The following ITPR2 variants were observed in gnomAD, a reference collection of about 807,000 sequenced individuals.
The protein encoded by ITPR2 is inositol 1,4,5-trisphosphate-gated calcium channel ITPR2.
ITPR2 carries 207 observed loss-of-function variants against 317.1 expected under a neutral mutation model. The ratio of observed to expected loss-of-function variants is 0.65; its 90% CI spans 0.58 to 0.73. The LOEUF (loss-of-function observed/expected upper bound fraction) is 0.73. Ranked by LOEUF, ITPR2 falls within the 30% of genes least tolerant of loss-of-function variation. The pLI, the probability that ITPR2 is intolerant of heterozygous loss-of-function variation, is 0.00. For synonymous variants in ITPR2, 1,156 were observed against 1,149.1 expected (o/e 1.01, Z -0.12); for missense variants, 2,613 against 3,284.0 (o/e 0.80, Z 4.99).
At chr12:26,406,069 T>C (rs1003924432) in intron 52 of ITPR2, among the ~76,000 whole-genome samples, 2 of 152,064 alleles carry the variant, frequency 1.3e-5, no homozygotes, top group African/African-American at 4.8e-5. Context: ...ATATCCAAAA[T>C]GTCAGTACTG....
rs1006545715 is a variant in ITPR2, at chr12:26,582,622, AT to A, written c.4381-2468del. On this transcript the variant is annotated intron_variant, in intron 32 of 56. Coordinates refer to ENST00000381340, the MANE Select transcript of ITPR2 (RefSeq NM_002223.4). ...CTTCTTGCTCATCTTTTATGATGTG[AT>A]TTTTTTTTGCTATTATAAAGAATTG... Among the ~76,000 whole-genome samples the A allele has an allele frequency of 4.6e-5, 7 of 150,888 alleles. No homozygotes were observed. In the East Asian group the frequency reaches 5.8e-4, roughly 13 times the overall value.
At chr12:26,342,581 TTTTG>T (rs964899052) in intron 55 of ITPR2, among the ~76,000 whole-genome samples, 42 of 151,260 alleles carry the variant, frequency 2.8e-4, no homozygotes, top group East Asian at 1.4e-3. Context: ...TATCATTCTT[TTTTG>T]TTTGTTTGTT....
At chr12:26,389,539 C>T (rs1450186564) in intron 54 of ITPR2, among the ~76,000 whole-genome samples, 9 of 151,106 alleles carry the variant, frequency 6.0e-5, no homozygotes, top group East Asian at 5.8e-4. Context: ...ACCTTTGGAA[C>T]GGTTGTTTCC....
chr12:26,448,382 T>C (rs1219716851), intron 45 of ITPR2, among the ~76,000 whole-genome samples: 3 of 152,010 alleles, frequency 2.0e-5, no homozygotes, highest in Non-Finnish European at 4.4e-5. Context: ...GGGGGAAATC[T>C]CTGGGTCTTA....
chr12:26,340,399 A>T, intron 55 of ITPR2, 71 bp from the exon 56 acceptor site: 1 of 1,404,770 alleles, frequency 7.1e-7, no homozygotes, highest in Middle Eastern at 1.9e-4. Flanking sequence ...GCTGTTTATT[A>T]TTACTAACAT....
chr12:26,772,688 C>T (rs953081963), intron 2 of ITPR2, among the ~76,000 whole-genome samples: 2 of 150,532 alleles, frequency 1.3e-5, no homozygotes, highest in African/African-American at 2.4e-5. Context: ...ACCGTATGTG[C>T]ACATGGTGTA....
chr12:26,581,767 T>C (rs1257874830), intron 32 of ITPR2, among the ~76,000 whole-genome samples: 1 of 152,200 alleles, frequency 6.6e-6, no homozygotes, highest in Non-Finnish European at 1.5e-5. Flanking sequence ...TTTAGTATCT[T>C]CCTAACACTG....
At chr12:26,386,675 G>C (rs1259488007) in intron 55 of ITPR2, among the ~76,000 whole-genome samples, 2 of 151,456 alleles carry the variant, frequency 1.3e-5, no homozygotes, top group African/African-American at 4.8e-5. Flanking sequence ...TTTGGGGGGT[G>C]GGGGGAATAT....
At chr12:26,419,326 T>A in intron 49 of ITPR2, 113 bp from the exon 50 acceptor site, 1 of 861,488 alleles carries the variant, frequency 1.2e-6, no homozygotes, top group African/African-American at 1.7e-5. Context: ...CAATTATTCA[T>A]TAAAATCTAT....
chr12:26,779,336 T>A (rs1313350428), intron 2 of ITPR2, among the ~76,000 whole-genome samples: 2 of 152,202 alleles, frequency 1.3e-5, no homozygotes, highest in African/African-American at 4.8e-5. Flanking sequence ...GGTCATCAAG[T>A]CACCATGTGA....
At chr12:26,648,401 A>T (rs979879519) in intron 21 of ITPR2, among the ~76,000 whole-genome samples, 1 of 152,200 alleles carries the variant, frequency 6.6e-6, no homozygotes, top group Admixed American at 6.5e-5. Context: ...GATAAAAAAG[A>T]TGTAGTTCTA....
chr12:26,656,162 T>C (rs1947363879), intron 19 of ITPR2, 135 bp downstream of exon 19: 1 of 1,127,894 alleles, frequency 8.9e-7, no homozygotes, highest in Non-Finnish European at 1.3e-6. Context: ...AGTATCTTAT[T>C]TGCATTTAGA....
In ITPR2 at chr12:26,400,199, C is replaced by T; in HGVS notation, c.7459G>A (p.Val2487Ile). ...CTGAGGCCCTGGTTCAGCACGGTGA[C>T]AATGCACATAAGGAGAGTGTCACAC... The part of the protein sequence containing the change: ...RTCDTLLMCI[V>I]TVLNQGLRNG... Residue 2487 changes from valine (V) to isoleucine (I), a missense_variant, in exon 53 of 57, where the codon GTC becomes ATC. Coordinates refer to ENST00000381340, the MANE Select transcript of ITPR2 (RefSeq NM_002223.4). 1 of 1,611,366 alleles carries T rather than the reference C, an allele frequency of 6.2e-7. No homozygotes were observed. Among genetic ancestry groups the T allele is most frequent in the Non-Finnish European group, 8.5e-7 (1 of 1,178,110 alleles).
chr12:26,747,927 A>G (rs1949351390), intron 2 of ITPR2, among the ~76,000 whole-genome samples: 1 of 152,142 alleles, frequency 6.6e-6, no homozygotes. Context: ...ATTCCTTCCT[A>G]AGGGACTTCT....
Position 26,599,312 on chromosome 12 carries a change from TGAA to T in ITPR2, c.3832_3834del (p.Phe1278del). Reference sequence around the variant, plus strand: ...TCGTTGCACAGATGGTAATTGTTCATGAAGATGTGCCGCATGGTTTCTGCTTCA... The same window carrying T: ...TCGTTGCACAGATGGTAATTGTTCATGATGTGCCGCATGGTTTCTGCTTCA... On this transcript the variant is annotated inframe_deletion, in exon 30 of 57. Transcript: ENST00000381340. The T allele has an allele frequency of 6.2e-7, 1 of 1,614,094 alleles. No homozygotes were observed. The highest frequency in any genetic ancestry group is 1.1e-5 in the South Asian group (1 of 91,088).
At chr12:26,826,733 A>C (rs981177811) in intron 1 of ITPR2, among the ~76,000 whole-genome samples, 1 of 152,132 alleles carries the variant, frequency 6.6e-6, no homozygotes, top group Non-Finnish European at 1.5e-5. Context: ...CTATCACTTA[A>C]ACATACATAT....
At chr12:26,576,260 C>T (rs1298895621) in intron 34 of ITPR2, among the ~76,000 whole-genome samples, 1 of 152,100 alleles carries the variant, frequency 6.6e-6, no homozygotes, top group Non-Finnish European at 1.5e-5. Flanking sequence ...AAGAAGAAAA[C>T]CAGATCCACA....
At chr12:26,751,859 C>G (rs1949427748) in intron 2 of ITPR2, among the ~76,000 whole-genome samples, 1 of 147,868 alleles carries the variant, frequency 6.8e-6, no homozygotes, top group Non-Finnish European at 1.5e-5. Flanking sequence ...GAGCAAGACT[C>G]TATCTAAAAA....
At position 26,415,385 on chromosome 12, in the gene ITPR2, C is replaced by T. The variant is rs374856696; in HGVS notation, c.7224G>A (p.Leu2408=). 1.2e-6 allele frequency: 2 copies of T among 1,612,772 alleles called. No homozygotes were observed. Among genetic ancestry groups the T allele is most frequent in the South Asian group, 1.1e-5 (1 of 90,902 alleles). The change falls in exon 51 of 57, where the codon CTG becomes CTA. Residue 2408 remains leucine (L), a synonymous_variant. Coordinates refer to ENST00000381340, the MANE Select transcript of ITPR2 (RefSeq NM_002223.4). ...AAAAAAGGAACCCAATAATGGAAAA[C>T]AGGTAGACGAGGATGAGAGCCAGGA... ...TAVLALILVY[L]FSIIGFLFLK...
Sources: allele counts gnomAD v4.1 joint callset (sites outside exome capture counted in the v4.1 genomes callset), GRCh38; gene constraint gnomAD v4.1.1; transcripts MANE v1.5; gene names NCBI Gene and HGNC (gene_info 2026-07-23, HGNC 2026-07-21).